MECR: variants seen among roughly 807,000 people sequenced by gnomAD.
MECR encodes the protein enoyl-[acyl-carrier-protein] reductase, mitochondrial.
Under a neutral mutation model 49.1 loss-of-function variants are expected in MECR, and 37 were observed. The ratio of observed to expected loss-of-function variants is 0.75; its 90% CI spans 0.58 to 0.99. The LOEUF (loss-of-function observed/expected upper bound fraction) is 0.99. Among genes scored for constraint, MECR ranks in the 50% least tolerant of loss-of-function variants. The pLI is 0.00. For missense variants in MECR, 470 were observed against 479.6 expected, an observed-to-expected ratio of 0.98 and a Z score of 0.19; for synonymous variants, 198 against 191.1, an observed-to-expected ratio of 1.04 and a Z score of -0.30.
chr1:29,181,928 C>G, the MECR span: 27 of 429,586 alleles, frequency 6.3e-5, no homozygotes, highest in African/African-American at 4.6e-4. Flanking sequence ...TTCCACTTCC[C>G]CCGCCCTTCC....
chr1:29,196,300 G>C, intron 7 of MECR, 42 bp from the exon 8 acceptor site: 1 of 1,558,104 alleles, frequency 6.4e-7, no homozygotes, highest in Non-Finnish European at 8.8e-7. Context: ...GCAAGGCAGA[G>C]ACAGAGCCCT....
chr1:29,181,527 G>T, the MECR span: 1 of 858,368 alleles, frequency 1.2e-6, no homozygotes, highest in Non-Finnish European at 1.7e-6. Flanking sequence ...CTATGGCGGA[G>T]CCTGGCCAGG....
the MECR span, chr1:29,169,766 T>C: frequency 3.3e-5 from 5 of 152,030 alleles, no homozygotes; most frequent in Non-Finnish European, 5.9e-5. Flanking sequence ...TAACAGCCCA[T>C]CTCTAACAGA....
At chr1:29,221,709 G>A (rs1249986842) in intron 1 of MECR, among the ~76,000 whole-genome samples, 1 of 152,208 alleles carries the variant, frequency 6.6e-6, no homozygotes, top group Non-Finnish European at 1.5e-5. Context: ...CAGGTGACCT[G>A]CAGTATGGAT....
rs1210035122 is a variant in MECR, at chr1:29,194,216, C to G, written c.965-37G>C. On this transcript the variant is annotated intron_variant, in intron 9 of 9. Coordinates refer to ENST00000263702, the MANE Select transcript of MECR (RefSeq NM_016011.5). Reference sequence around the variant, plus strand: ...TGGAGGAAATCAGACAAGAGAACAGCAGCTGGGGCTTGGTGAGATGTGGCA... The same window carrying G: ...TGGAGGAAATCAGACAAGAGAACAGGAGCTGGGGCTTGGTGAGATGTGGCA... 1.9e-6 allele frequency: 3 copies of G among 1,568,288 alleles called. No homozygotes were observed. In the African/African-American group the frequency reaches 4.1e-5, roughly 21 times the overall value.
the MECR span, among the ~76,000 whole-genome samples, chr1:29,174,880 G>T: frequency 6.6e-6 from 1 of 151,358 alleles, no homozygotes; most frequent in African/African-American, 2.4e-5. Context: ...CACCATGTTG[G>T]CCAGGATGGT....
chr1:29,171,845 A>G, the MECR span: 1 of 152,200 alleles, frequency 6.6e-6, no homozygotes, highest in Non-Finnish European at 1.5e-5. Context: ...CAGTACCTCA[A>G]TGAGAAAGGA....
chr1:29,207,371 C>T (rs1198360124), intron 3 of MECR, among the ~76,000 whole-genome samples: 1 of 152,034 alleles, frequency 6.6e-6, no homozygotes, highest in Non-Finnish European at 1.5e-5. Context: ...TCGCCTGCAT[C>T]GGCTTCCCAA....
At chr1:29,221,481 G>A (rs1680756384) in intron 1 of MECR, among the ~76,000 whole-genome samples, 1 of 152,256 alleles carries the variant, frequency 6.6e-6, no homozygotes, top group African/African-American at 2.4e-5. Context: ...ATCTGACCCA[G>A]GAGTAGACCA....
chr1:29,199,886 G>T (rs1674902261), intron 7 of MECR, among the ~76,000 whole-genome samples: 1 of 151,882 alleles, frequency 6.6e-6, no homozygotes, highest in African/African-American at 2.4e-5. Flanking sequence ...GGGATTACAA[G>T]CATGAACCAC....
chr1:29,210,347 A>G (rs183319294), intron 3 of MECR, among the ~76,000 whole-genome samples: 1 of 152,228 alleles, frequency 6.6e-6, no homozygotes, highest in East Asian at 1.9e-4. Context: ...TGTCAATCCT[A>G]GAGTAGGTCT....
At position 29,196,259 on chromosome 1, in the gene MECR, C is replaced by T; in HGVS notation, c.831-1G>A. On this transcript the variant is annotated splice_acceptor_variant, in intron 7 of 9. Coordinates refer to ENST00000263702, the MANE Select transcript of MECR (RefSeq NM_016011.5). LOFTEE classifies it high-confidence loss of function. ...ATAGGTTACCATGGTTCCTCCACGC[C>T]TGAAAAGTCCAAAGAGAACAAAGAG... The T allele has an allele frequency of 3.1e-6, 5 of 1,610,998 alleles. No individual in the cohort carries two copies. The highest frequency in any genetic ancestry group is 4.2e-6 in the Non-Finnish European group (5 of 1,177,868).
At chr1:29,213,263 G>T (rs376537903) in intron 3 of MECR, among the ~76,000 whole-genome samples, 3 of 152,274 alleles carry the variant, frequency 2.0e-5, no homozygotes, top group East Asian at 1.9e-4. Context: ...TCAGGATCCA[G>T]TGAATCCTTG....
At chr1:29,188,412 C>A (rs1322181666), downstream of MECR, among the ~76,000 whole-genome samples, 1 of 151,948 alleles carries the variant, frequency 6.6e-6, no homozygotes, top group Non-Finnish European at 1.5e-5. Context: ...CCATGTTGCT[C>A]AGGCTGGTCT....
At chr1:29,181,889 ACGCGAGCACGCAGCT>A in the MECR span, 14 of 576,252 alleles carry the variant, frequency 2.4e-5, no homozygotes, top group Non-Finnish European at 3.4e-5. Context: ...CCGGCGACGT[ACGCGAGCACGCAGCT>A]CGCGAGCGCG....
chr1:29,174,973 G>A, the MECR span, among the ~76,000 whole-genome samples: 2 of 147,054 alleles, frequency 1.4e-5, no homozygotes, highest in East Asian at 4.1e-4. Flanking sequence ...CAACTGGCCG[G>A]TGGGTTTTTT....
intron 1 of MECR, chr1:29,223,167 C>T (rs921006153): frequency 2.3e-5 from 23 of 985,298 alleles, no homozygotes; most frequent in Non-Finnish European, 2.4e-5. Context: ...AATGTAATGG[C>T]GCCATGCAAC....
chr1:29,181,500 C>A, the MECR span: 3 of 633,128 alleles, frequency 4.7e-6, no homozygotes, highest in Non-Finnish European at 7.5e-6. Context: ...CCTACCCGCG[C>A]CCCCGAGGCG....
intron 7 of MECR, among the ~76,000 whole-genome samples, chr1:29,197,376 G>A (rs764638299): frequency 4.6e-5 from 7 of 152,158 alleles, no homozygotes; most frequent in Non-Finnish European, 8.8e-5. Context: ...ACGGTGCAGG[G>A]AACAATGACA....
Sources: allele counts gnomAD v4.1 joint callset (sites outside exome capture counted in the v4.1 genomes callset), GRCh38; gene constraint gnomAD v4.1.1; transcripts MANE v1.5; gene names NCBI Gene and HGNC (gene_info 2026-07-23, HGNC 2026-07-21).